RIMOC1: variants seen among roughly 807,000 people sequenced by gnomAD.
RIMOC1 encodes RAB7A interacting MON1-CCZ1 complex subunit 1.
At chr5:41,912,314 A>T in the RIMOC1 span, 1 of 601,426 alleles carries the variant, frequency 1.7e-6, no homozygotes, top group Admixed American at 3.1e-5. Flanking sequence ...TAAGTAATAA[A>T]GGGTTTATAT....
At chr5:41,918,095 A>G in the RIMOC1 span, 5 of 985,672 alleles carry the variant, frequency 5.1e-6, no homozygotes, top group Non-Finnish European at 6.0e-6. Context: ...AAGGCCAGAG[A>G]GCCTAACTTG....
chr5:41,916,876 T>C, the RIMOC1 span: 1 of 594,448 alleles, frequency 1.7e-6, no homozygotes, highest in South Asian at 3.5e-5. Context: ...GTGTTAGTCA[T>C]ATTTGGCTTT....
chr5:41,910,592 G>T, the RIMOC1 span, among the ~76,000 whole-genome samples: 2 of 151,678 alleles, frequency 1.3e-5, no homozygotes, highest in Admixed American at 1.3e-4. Flanking sequence ...TATCAGGGGA[G>T]GCTGTGGAAA....
the RIMOC1 span, among the ~76,000 whole-genome samples, chr5:41,908,585 C>G: frequency 6.6e-6 from 1 of 152,088 alleles, no homozygotes; most frequent in Non-Finnish European, 1.5e-5. Flanking sequence ...CTAAAGATAG[C>G]TTCTGCCTTC....
chr5:41,909,960 CTA>C, the RIMOC1 span: 1 of 1,282,496 alleles, frequency 7.8e-7, no homozygotes, highest in Non-Finnish European at 1.1e-6. Flanking sequence ...TTTTTGGAGT[CTA>C]TATTTTTTTC....
the RIMOC1 span, among the ~76,000 whole-genome samples, chr5:41,904,859 A>G: frequency 2.6e-5 from 4 of 152,228 alleles, no homozygotes; most frequent in African/African-American, 4.8e-5. Context: ...AAAGACATGT[A>G]TAACAGTTCC....
chr5:41,906,126 C>A, the RIMOC1 span, among the ~76,000 whole-genome samples: 1 of 152,108 alleles, frequency 6.6e-6, no homozygotes, highest in African/African-American at 2.4e-5. Flanking sequence ...TTTCCATTGT[C>A]TTCTTCAGAT....
At chr5:41,912,064 T>C in the RIMOC1 span, 1 of 1,542,830 alleles carries the variant, frequency 6.5e-7, no homozygotes, top group South Asian at 1.1e-5. Context: ...CTGACTTTTA[T>C]TTAGTACCTT....
chr5:41,914,039 G>C, the RIMOC1 span, among the ~76,000 whole-genome samples: 1 of 152,146 alleles, frequency 6.6e-6, no homozygotes, highest in Non-Finnish European at 1.5e-5. Context: ...AGAAAAAGGT[G>C]GGGGTAGGCA....
chr5:41,918,739 T>A, the RIMOC1 span: 1 of 985,388 alleles, frequency 1.0e-6, no homozygotes, highest in African/African-American at 1.7e-5. Flanking sequence ...ATTACTTTCC[T>A]TAGGCCCTCT....
chr5:41,917,771 T>C, the RIMOC1 span: 5 of 904,538 alleles, frequency 5.5e-6, no homozygotes, highest in Non-Finnish European at 6.6e-6. Flanking sequence ...TGAAAGATTA[T>C]GACTAATATT....
At chr5:41,917,665 A>G in the RIMOC1 span, 10 of 972,220 alleles carry the variant, frequency 1.0e-5, no homozygotes, top group East Asian at 1.1e-3. Context: ...GATTATTTTT[A>G]AATCTCACTA....
the RIMOC1 span, among the ~76,000 whole-genome samples, chr5:41,914,389 G>A: frequency 6.6e-6 from 1 of 151,812 alleles, no homozygotes; most frequent in Non-Finnish European, 1.5e-5. Flanking sequence ...CCTAGGAGGC[G>A]GAGGTTGCAG....
At chr5:41,916,262 A>ATTTAT in the RIMOC1 span, 6 of 334,880 alleles carry the variant, frequency 1.8e-5, no homozygotes, top group African/African-American at 1.3e-4. Flanking sequence ...ACTTGCCCAA[A>ATTTAT]GACACAAAGC....
the RIMOC1 span, among the ~76,000 whole-genome samples, chr5:41,905,107 T>C: frequency 6.6e-6 from 1 of 152,234 alleles, no homozygotes; most frequent in African/African-American, 2.4e-5. Flanking sequence ...TCATTACGTC[T>C]CAGCTGCCTT....
chr5:41,904,501 C>A, the RIMOC1 span: 1 of 1,593,452 alleles, frequency 6.3e-7, no homozygotes, highest in Non-Finnish European at 8.6e-7. Flanking sequence ...GCGGGCGGGG[C>A]AGACGGCGCT....
At chr5:41,907,904 A>G in the RIMOC1 span, 1 of 937,010 alleles carries the variant, frequency 1.1e-6, no homozygotes, top group Non-Finnish European at 1.6e-6. Flanking sequence ...TAGATGATTG[A>G]CTCCAACTTT....
At chr5:41,912,343 C>A in the RIMOC1 span, among the ~76,000 whole-genome samples, 1 of 152,160 alleles carries the variant, frequency 6.6e-6, no homozygotes, top group Non-Finnish European at 1.5e-5. Context: ...AAGATAAAAT[C>A]TTTTGATGTA....
At chr5:41,916,405 CAA>C in the RIMOC1 span, 3 of 934,442 alleles carry the variant, frequency 3.2e-6, no homozygotes, top group Non-Finnish European at 3.8e-6. Flanking sequence ...AGAAAGAGTT[CAA>C]CTTTTGATGA....
Sources: gnomAD v4.1 joint callset for allele counts (sites outside exome capture counted in the v4.1 genomes callset) on GRCh38, gnomAD v4.1.1 for gene constraint, MANE v1.5 for transcripts, NCBI Gene and HGNC (gene_info 2026-07-23, HGNC 2026-07-21) for gene names.